The following ATP9B variants were observed in gnomAD, a reference collection of about 807,000 sequenced individuals.
ATP9B encodes the protein ATPase phospholipid transporting 9B.
ATP9B carries 110 observed loss-of-function variants against 146.1 expected under a neutral mutation model. That is an observed-to-expected ratio of 0.75 (90% CI 0.65 to 0.88). The LOEUF is 0.88. ATP9B is among the 40% of genes least tolerant of loss of function. ATP9B has a pLI of 0.00. For missense variants in ATP9B, 1,499 were observed against 1,496.4 expected (o/e 1.00, Z -0.03); for synonymous variants, 604 against 569.7 (o/e 1.06, Z -0.86).
chr18:79,080,918 C>T (rs927518727), intron 1 of ATP9B, among the ~76,000 whole-genome samples: 1 of 152,132 alleles, frequency 6.6e-6, no homozygotes. Context: ...TGATGGATTA[C>T]GTTTATTGAT....
chr18:79,217,049 G>A (rs2095633517), intron 11 of ATP9B, among the ~76,000 whole-genome samples: 1 of 152,248 alleles, frequency 6.6e-6, no homozygotes, highest in Non-Finnish European at 1.5e-5. Context: ...CCGGGGAGAA[G>A]AGTGCGTTCC....
chr18:79,293,476 G>A (rs1357592008), intron 13 of ATP9B, among the ~76,000 whole-genome samples: 1 of 152,076 alleles, frequency 6.6e-6, no homozygotes, highest in Non-Finnish European at 1.5e-5. Context: ...TCACAAGAGT[G>A]GGTCTGTTAG....
intron 13 of ATP9B, among the ~76,000 whole-genome samples, chr18:79,284,348 G>A (rs538604246): frequency 6.6e-6 from 1 of 152,198 alleles, no homozygotes; most frequent in African/African-American, 2.4e-5. Context: ...TAACATTTTG[G>A]GGGTGTTTGG....
rs989346967 is a variant in ATP9B, at chr18:79,136,978, C to T, written c.668-6824C>T. Reference sequence around the variant, plus strand: ...ACAAGGGTAACAGCATGAGGGTAACCGCCCCATGATTCATTTACCTCCCAC... The same window carrying T: ...ACAAGGGTAACAGCATGAGGGTAACTGCCCCATGATTCATTTACCTCCCAC... On this transcript the variant is annotated intron_variant, in intron 5 of 29. Coordinates refer to ENST00000426216, the MANE Select transcript of ATP9B (RefSeq NM_198531.5). Among the ~76,000 whole-genome samples, 13 of 152,276 alleles carry T rather than the reference C, an allele frequency of 8.5e-5. No homozygotes were observed. The East Asian group carries it at 1.5e-3, about 18-fold the overall frequency.
At chr18:79,210,008 A>G (rs545042923) in intron 10 of ATP9B, among the ~76,000 whole-genome samples, 11 of 152,326 alleles carry the variant, frequency 7.2e-5, no homozygotes, top group Admixed American at 2.0e-4. Flanking sequence ...CTGGAGGGGA[A>G]GTGAACTCAG....
At chr18:79,074,849 T>A (rs1323886277) in intron 1 of ATP9B, among the ~76,000 whole-genome samples, 1 of 152,248 alleles carries the variant, frequency 6.6e-6, no homozygotes, top group Admixed American at 6.5e-5. Flanking sequence ...TTCTACATTA[T>A]TTTCTGAAGT....
chr18:79,268,517 A>G (rs757311949), intron 12 of ATP9B, among the ~76,000 whole-genome samples: 6 of 152,104 alleles, frequency 3.9e-5, no homozygotes, highest in Non-Finnish European at 7.4e-5. Context: ...TTCTTTTAGT[A>G]GTTACCCTAG....
At chr18:79,372,176 TCCCCTGCCTCCTGCCCCCTCG>T (rs2097075340) in intron 26 of ATP9B, among the ~76,000 whole-genome samples, 1 of 60,608 alleles carries the variant, frequency 1.6e-5, no homozygotes, top group Admixed American at 1.9e-4. Context: ...GGGCCAGAGC[TCCCCTGCCTCCTGCCCCCTCG>T]TCCCCTGCCT....
intron 6 of ATP9B, among the ~76,000 whole-genome samples, chr18:79,150,344 C>G (rs1413686341): frequency 2.0e-5 from 3 of 152,080 alleles, no homozygotes; most frequent in Non-Finnish European, 4.4e-5. Context: ...TCATACTACC[C>G]AACAGTTGCA....
intron 10 of ATP9B, among the ~76,000 whole-genome samples, chr18:79,208,272 A>G (rs1322123608): frequency 6.6e-6 from 1 of 152,128 alleles, no homozygotes; most frequent in Non-Finnish European, 1.5e-5. Context: ...GTTTATATAG[A>G]CCAGGTCTAG....
chr18:79,348,964 A>G (rs2096907580), intron 25 of ATP9B, among the ~76,000 whole-genome samples: 1 of 152,254 alleles, frequency 6.6e-6, no homozygotes, highest in African/African-American at 2.4e-5. Context: ...AGCTTGGGCA[A>G]CAAAGTCAGA....
intron 2 of ATP9B, among the ~76,000 whole-genome samples, chr18:79,099,078 G>T (rs78220024): frequency 6.6e-6 from 1 of 151,820 alleles, no homozygotes; most frequent in East Asian, 1.9e-4. Flanking sequence ...ACTTTAACTC[G>T]CTTTTCTTTT....
intron 25 of ATP9B, among the ~76,000 whole-genome samples, chr18:79,355,231 CAG>C (rs1260790350): frequency 6.6e-6 from 1 of 152,230 alleles, no homozygotes; most frequent in Admixed American, 6.5e-5. Flanking sequence ...GGGTTTCCAT[CAG>C]AGTCCCTTGC....
At chr18:79,160,205 G>A (rs9965599) in intron 7 of ATP9B, among the ~76,000 whole-genome samples, 38,002 of 152,044 alleles carry the variant, frequency 0.25, 5,087 homozygotes, top group East Asian at 0.5. Context: ...AGTGATTGCC[G>A]CAGGGATTTT....
chr18:79,231,803 T>TATATATACAC (rs569726473), intron 11 of ATP9B, among the ~76,000 whole-genome samples: 13 of 114,762 alleles, frequency 1.1e-4, no homozygotes, highest in East Asian at 2.6e-4. Context: ...TATATATATA[T>TATATATACAC]ACACACACAC....
rs575950186 is a variant in ATP9B, at chr18:79,355,114, G to A, written c.2904-4240G>A. ...TCAGTGTCGGCAGAGGCCGCATGGGGAGCCTTAACCCCTGCCCCTGCACAG... is the reference window on the plus strand; with the variant it reads ...TCAGTGTCGGCAGAGGCCGCATGGGAAGCCTTAACCCCTGCCCCTGCACAG... On this transcript the variant is annotated intron_variant, in intron 25 of 29. Transcript: ENST00000426216. Among the ~76,000 whole-genome samples the A allele has an allele frequency of 1.2e-4, 18 of 152,352 alleles. 1 individual carries two copies. Among genetic ancestry groups the A allele is most frequent in the African/African-American group, 4.3e-4 (18 of 41,592 alleles).
chr18:79,259,492 C>T (rs1045536450), intron 12 of ATP9B, among the ~76,000 whole-genome samples: 1 of 151,948 alleles, frequency 6.6e-6, no homozygotes, highest in Non-Finnish European at 1.5e-5. Flanking sequence ...AAAGGTGTTC[C>T]TTCTGAGAAC....
At chr18:79,130,252 C>A (rs1318231163) in intron 5 of ATP9B, among the ~76,000 whole-genome samples, 1 of 152,172 alleles carries the variant, frequency 6.6e-6, no homozygotes, top group East Asian at 1.9e-4. Flanking sequence ...GATGTAGAAG[C>A]AAGTAGAGAA....
chr18:79,160,390 A>G (rs2094860172), intron 7 of ATP9B, among the ~76,000 whole-genome samples: 1 of 152,242 alleles, frequency 6.6e-6, no homozygotes, highest in Admixed American at 6.5e-5. Flanking sequence ...TTATACTGCC[A>G]TCCCTGCTTA....
Sources: gnomAD v4.1 joint callset for allele counts (sites outside exome capture counted in the v4.1 genomes callset) on GRCh38, gnomAD v4.1.1 for gene constraint, MANE v1.5 for transcripts, NCBI Gene and HGNC (gene_info 2026-07-23, HGNC 2026-07-21) for gene names.